The following XRCC6 variants were observed in gnomAD, a reference collection of about 807,000 sequenced individuals.
XRCC6 encodes the protein X-ray repair cross complementing 6.
XRCC6 carries 5 observed loss-of-function variants against 65.7 expected under a neutral mutation model. That is an observed-to-expected ratio of 0.08 (90% confidence interval 0.04 to 0.16). XRCC6 has a LOEUF of 0.16. XRCC6 is among the 10% of genes least tolerant of loss of function. The pLI is 1.00. For synonymous variants in XRCC6, 270 were observed against 270.6 expected, an observed-to-expected ratio of 1.00 and a Z score of 0.02; for missense variants, 447 against 738.1, an observed-to-expected ratio of 0.61 and a Z score of 4.57.
At chr22:41,646,025 C>G (rs1053594055) in intron 6 of XRCC6, among the ~76,000 whole-genome samples, 3 of 151,834 alleles carry the variant, frequency 2.0e-5, no homozygotes, top group Non-Finnish European at 4.4e-5. Flanking sequence ...GAGACAAGGC[C>G]AAACATGGTA....
At chr22:41,659,489 AG>A (rs1446979874) in intron 11 of XRCC6, among the ~76,000 whole-genome samples, 6 of 151,836 alleles carry the variant, frequency 4.0e-5, no homozygotes, top group African/African-American at 1.4e-4. Flanking sequence ...TACAAGCAGG[AG>A]GCGCTGCGCA....
chr22:41,624,705 A>T (rs2067649812), intron 2 of XRCC6, among the ~76,000 whole-genome samples: 2 of 144,890 alleles, frequency 1.4e-5, no homozygotes, highest in Admixed American at 7.0e-5. Context: ...TAATAATAAA[A>T]TAAAAAATAA....
At chr22:41,641,180 T>C (rs28384745) in intron 6 of XRCC6, among the ~76,000 whole-genome samples, 1 of 152,202 alleles carries the variant, frequency 6.6e-6, no homozygotes, top group African/African-American at 2.4e-5. Context: ...TATTTATAAA[T>C]GTTAGCTGTT....
intron 11 of XRCC6, among the ~76,000 whole-genome samples, chr22:41,659,077 G>A (rs968795948): frequency 1.3e-5 from 2 of 152,154 alleles, no homozygotes; most frequent in Non-Finnish European, 2.9e-5. Flanking sequence ...TCAGACTCCC[G>A]AGCAGTTGGT....
chr22:41,629,570 G>A (rs1444333293), intron 3 of XRCC6, among the ~76,000 whole-genome samples: 3 of 152,182 alleles, frequency 2.0e-5, no homozygotes, highest in Non-Finnish European at 4.4e-5. Flanking sequence ...CTGCTCAATG[G>A]GTATGGGGTT....
At chr22:41,644,273 C>T (rs1014120801) in intron 6 of XRCC6, among the ~76,000 whole-genome samples, 2 of 152,152 alleles carry the variant, frequency 1.3e-5, no homozygotes, top group Admixed American at 1.3e-4. Context: ...AACTTAGCTC[C>T]ATTGTGGTTA....
At chr22:41,650,645 G>A in intron 7 of XRCC6, 78 bp from the exon 8 acceptor site, 2 of 1,480,628 alleles carry the variant, frequency 1.4e-6, no homozygotes, top group Middle Eastern at 2.5e-4. Context: ...ATTTTAACTT[G>A]CTAGTGTCAT....
Position 41,636,520 on chromosome 22 carries a change from A to G in XRCC6, c.339A>G (p.Ala113=). Residue 113 remains alanine, a synonymous_variant, in exon 5 of 13, where the codon GCA becomes GCG. Coordinates refer to ENST00000360079, the MANE Select transcript of XRCC6 (RefSeq NM_001469.5). ...YVLQELDNPG[A]KRILELDQFK... is the part of the protein sequence containing the mutation. ...TGACTCCCTGCCTCTGATCAGGTGCAAAACGAATTCTAGAGCTTGACCAGT... is the reference window on the plus strand; with the variant it reads ...TGACTCCCTGCCTCTGATCAGGTGCGAAACGAATTCTAGAGCTTGACCAGT... 1 of 1,613,930 alleles carries G rather than the reference A, an allele frequency of 6.2e-7. No individual in the cohort carries two copies. Among genetic ancestry groups the G allele is most frequent in the Non-Finnish European group, 8.5e-7 (1 of 1,179,842 alleles).
rs201779980 is a variant in XRCC6, at chr22:41,644,147, CA to C, written c.774-2738del. ...GGGTGACAGAGCAAGACCCTGTCTC[CA>C]AAAAAAAAAAGAAAAATGTTTTCCT... is the stretch of plus-strand genomic sequence containing the variant. On this transcript the variant is annotated intron_variant, in intron 6 of 12. Transcript: ENST00000360079. Among the ~76,000 whole-genome samples the C allele has an allele frequency of 2.8e-3, 392 of 139,740 alleles. 6 individuals carry two copies. The East Asian group carries it at 0.057, about 20-fold the overall frequency. 91.7% of individuals were successfully genotyped at this position (139,740 alleles called of 152,430 possible).
intron 12 of XRCC6, 28 bp from the exon 13 acceptor site, chr22:41,663,594 G>A (rs779791877): frequency 1.9e-6 from 3 of 1,590,298 alleles, no homozygotes; most frequent in Non-Finnish European, 2.6e-6. Flanking sequence ...AGCATTTCCA[G>A]TCACTCTCTC....
intron 6 of XRCC6, among the ~76,000 whole-genome samples, chr22:41,645,407 C>T (rs2067921064): frequency 1.3e-5 from 2 of 151,990 alleles, no homozygotes; most frequent in African/African-American, 4.8e-5. Context: ...GTAGCAGGAA[C>T]TAATGACAGT....
intron 9 of XRCC6, among the ~76,000 whole-genome samples, chr22:41,656,390 G>T (rs551184214): frequency 6.6e-6 from 1 of 151,672 alleles, no homozygotes; most frequent in Non-Finnish European, 1.5e-5. Context: ...GCGTGGTGGC[G>T]CCTGTAATCC....
chr22:41,628,016 AATTT>A (rs1320463200), intron 2 of XRCC6, 98 bp from the exon 3 acceptor site: 2 of 701,226 alleles, frequency 2.9e-6, no homozygotes, highest in African/African-American at 3.7e-5. Flanking sequence ...ACCTTATAAT[AATTT>A]ATTAGGTTAT....
chr22:41,655,756 G>T (rs1219684620), intron 9 of XRCC6, among the ~76,000 whole-genome samples: 1 of 150,956 alleles, frequency 6.6e-6, no homozygotes, highest in Non-Finnish European at 1.5e-5. Flanking sequence ...TTGAGACAAG[G>T]TCTCACTATG....
At chr22:41,662,954 G>A (rs1428405775) in intron 12 of XRCC6, among the ~76,000 whole-genome samples, 2 of 152,016 alleles carry the variant, frequency 1.3e-5, no homozygotes, top group Admixed American at 1.3e-4. Context: ...GGTAGTGGGC[G>A]CCTGTAGTCC....
chr22:41,663,934 G>C lies in XRCC6; in HGVS notation c.*119G>C, dbSNP rs2068123922. 5.3e-6 allele frequency: 6 copies of C among 1,129,494 alleles called. No individual in the cohort carries two copies. Among genetic ancestry groups the C allele is most frequent in the Non-Finnish European group, 7.5e-6 (6 of 803,638 alleles). The allele number at this position is 1,129,494 out of a possible 1,614,324, so 70.0% of individuals were successfully genotyped here. A position where few individuals can be genotyped will look rare whatever the true frequency, so the allele number is the denominator to read the frequency against. On this transcript the variant is annotated 3_prime_UTR_variant, in exon 13 of 13. Transcript: ENST00000360079. ...AAGAGTCTACCCGACATAAGTCGAG[G>C]GACTTTATGTTTTTGAGGCTTTCTG...
chr22:41,639,431 T>TC (rs2067850249), intron 6 of XRCC6, among the ~76,000 whole-genome samples: 1 of 140,412 alleles, frequency 7.1e-6, no homozygotes, highest in African/African-American at 2.6e-5. Flanking sequence ...CCTCCTGAGC[T>TC]CCAGTGATCG....
At chr22:41,622,252 T>C (rs1052647486) in intron 2 of XRCC6, among the ~76,000 whole-genome samples, 166 bp downstream of exon 2, 1 of 152,218 alleles carries the variant, frequency 6.6e-6, no homozygotes, top group Non-Finnish European at 1.5e-5. Flanking sequence ...TAGGCTCTTA[T>C]ATGCAGATCT....
chr22:41,636,232 A>C lies in XRCC6; in HGVS notation c.315A>C (p.Leu105Phe). 1 of 1,600,260 alleles carries C rather than the reference A, an allele frequency of 6.2e-7. No individual in the cohort carries two copies. Among genetic ancestry groups the C allele is most frequent in the East Asian group, 2.2e-5 (1 of 44,810 alleles). Residue 105 changes from leucine (L) to phenylalanine (F), a missense_variant, in exon 4 of 13, where the codon TTA (leucine) becomes TTC (phenylalanine). This residue lies in a region of XRCC6 where 228 missense variants were observed against 307.4 expected (regional missense o/e 0.74). Transcript: ENST00000360079. ...TGAATTTTAAAAATATTTACGTCTT[A>C]CAGGAGCTGGATAATCCAGGTCAGT... ...NSVNFKNIYVLQELDNPGAKR... is the reference protein window; with the variant it reads ...NSVNFKNIYVFQELDNPGAKR...
Sources: allele counts gnomAD v4.1 joint callset (sites outside exome capture counted in the v4.1 genomes callset), GRCh38; gene constraint gnomAD v4.1.1; regional missense constraint gnomAD v4.1.1; transcripts MANE v1.5; gene names NCBI Gene and HGNC (gene_info 2026-07-23, HGNC 2026-07-21).